EMILIN2: variants seen among roughly 807,000 people sequenced by gnomAD.
EMILIN2 encodes EMILIN-2.
EMILIN2 carries 71 observed loss-of-function variants against 87.1 expected under a neutral mutation model. The observed-to-expected ratio is 0.82, with a 90% CI of 0.67 to 0.99. The LOEUF is 0.99. Among genes scored for constraint, EMILIN2 ranks in the 50% least tolerant of loss-of-function variants. The pLI, the probability that EMILIN2 is intolerant of heterozygous loss-of-function variation, is 0.00. For synonymous variants in EMILIN2, 581 were observed against 563.4 expected, an observed-to-expected ratio of 1.03 and a Z score of -0.44; for missense variants, 1,407 against 1,371.8, an observed-to-expected ratio of 1.03 and a Z score of -0.40.
chr18:2,906,745 C>G (rs1167338904), intron 4 of EMILIN2, 38 bp from the exon 5 acceptor site: 5 of 1,258,156 alleles, frequency 4.0e-6, no homozygotes, highest in Non-Finnish European at 4.0e-6. Flanking sequence ...CTGAGGTTTC[C>G]TAATCCCGTG....
chr18:2,866,956 A>C (rs976332169), intron 2 of EMILIN2, among the ~76,000 whole-genome samples: 1 of 152,142 alleles, frequency 6.6e-6, no homozygotes, highest in Non-Finnish European at 1.5e-5. Context: ...TGAGATGATC[A>C]TGTGATTTTT....
chr18:2,869,742 T>A (rs1362283043), intron 2 of EMILIN2, among the ~76,000 whole-genome samples: 1 of 151,870 alleles, frequency 6.6e-6, no homozygotes, highest in Non-Finnish European at 1.5e-5. Context: ...TGTAGTTGAT[T>A]ACTTTTTGTT....
In EMILIN2 at chr18:2,891,547, A is replaced by T. The variant is rs2076836500; in HGVS notation, c.1420A>T (p.Thr474Ser). 13 of 1,614,054 alleles carry T rather than the reference A, an allele frequency of 8.1e-6. No homozygotes were observed. The East Asian group carries it at 2.9e-4, about 36-fold the overall frequency. The change falls in exon 4 of 8, where the codon ACC (threonine) becomes TCC (serine). Residue 474 changes from threonine to serine, a missense_variant. By Grantham distance (58) the Thr-to-Ser change is moderately conservative. Transcript: ENST00000254528. The surrounding 1 kb of genome is among the most constrained non-coding windows in gnomAD (Gnocchi z 4.6). The stretch of plus-strand genomic sequence containing the variant: ...AGAACATTGCTTTTACATTGAGGAA[A>T]CCCTTCGGGGCGCCATTAATGGAGA... ...AEEHCFYIEE[T>S]LRGAINGEVG...
rs889657635 is a variant in EMILIN2, at chr18:2,913,996, T to C, written c.*592T>C. On this transcript the variant is annotated 3_prime_UTR_variant, in exon 8 of 8. Transcript: ENST00000254528. ...TGCGTTAGAGACTGTTCCCAAAGCT[T>C]GTTGGGCTCCTTAAATGGCATGTAC... The C allele has an allele frequency of 2.0e-5, 3 of 153,024 alleles. No individual in the cohort carries two copies. Among genetic ancestry groups the C allele is most frequent in the Admixed American group, 6.5e-5 (1 of 15,336 alleles). The allele number at this position is 153,024 out of a possible 1,614,324, so 9.5% of individuals were successfully genotyped here.
chr18:2,862,681 CT>C (rs1254757767), intron 2 of EMILIN2, among the ~76,000 whole-genome samples: 1 of 151,954 alleles, frequency 6.6e-6, no homozygotes, highest in African/African-American at 2.4e-5. Context: ...CTAAAATTCT[CT>C]TTTTTTTGTT....
chr18:2,906,656 C>A, intron 4 of EMILIN2, 127 bp from the exon 5 acceptor site: 1 of 734,478 alleles, frequency 1.4e-6, no homozygotes. Flanking sequence ...GGCCTGACGT[C>A]GCAGGGGTGG....
At position 2,891,780 on chromosome 18, in the gene EMILIN2, C is replaced by T; in HGVS notation, c.1653C>T (p.Asp551=). 2 of 1,614,196 alleles carry T rather than the reference C, an allele frequency of 1.2e-6. No individual in the cohort carries two copies. The highest frequency in any genetic ancestry group is 1.7e-6 in the Non-Finnish European group (2 of 1,180,044). Residue 551 remains aspartate (D), a synonymous_variant, in exon 4 of 8, where the codon GAC becomes GAT. Coordinates refer to ENST00000254528, the MANE Select transcript of EMILIN2 (RefSeq NM_032048.3). This position sits in a 1 kb window ranked among gnomAD's most constrained non-coding sequence, Gnocchi z 4.6. ...HLKDKVQVVE[D]ICLLNIQGKP... Reference sequence around the variant, plus strand: ...AGGACAAAGTTCAAGTTGTTGAAGACATTTGCCTGCTGAACATCCAGGGAA... The same window carrying T: ...AGGACAAAGTTCAAGTTGTTGAAGATATTTGCCTGCTGAACATCCAGGGAA...
chr18:2,896,219 G>A (rs904034657), intron 4 of EMILIN2, among the ~76,000 whole-genome samples: 7 of 151,708 alleles, frequency 4.6e-5, no homozygotes, highest in Non-Finnish European at 1.0e-4. Flanking sequence ...TTTGTTGCTG[G>A]GGCTGGAGTG....
At chr18:2,874,266 G>A (rs889975974) in intron 2 of EMILIN2, among the ~76,000 whole-genome samples, 4 of 152,120 alleles carry the variant, frequency 2.6e-5, no homozygotes, top group African/African-American at 9.6e-5. Context: ...TATTGCCCAG[G>A]CTGGTCTCAA....
chr18:2,899,604 A>G (rs919884903), intron 4 of EMILIN2, among the ~76,000 whole-genome samples: 7 of 151,972 alleles, frequency 4.6e-5, no homozygotes, highest in African/African-American at 1.7e-4. Context: ...TCCTGGGTTC[A>G]AGCAATTCTC....
intron 3 of EMILIN2, among the ~76,000 whole-genome samples, chr18:2,888,098 GT>G (rs2076811811): frequency 6.6e-6 from 1 of 152,152 alleles, no homozygotes; most frequent in Admixed American, 6.5e-5. Context: ...CACTTAGGTT[GT>G]TTGTAATTTT....
chr18:2,899,017 G>C (rs962434765), intron 4 of EMILIN2, among the ~76,000 whole-genome samples: 5 of 152,130 alleles, frequency 3.3e-5, no homozygotes, highest in African/African-American at 1.2e-4. Context: ...CTTGAACTTA[G>C]AGCTGCAGTG....
chr18:2,862,231 C>G (rs1185201352), intron 2 of EMILIN2, among the ~76,000 whole-genome samples: 1 of 152,132 alleles, frequency 6.6e-6, no homozygotes, highest in African/African-American at 2.4e-5. Flanking sequence ...TTATTTCCTT[C>G]TCCTGCCTCA....
At chr18:2,855,675 AGAG>A (rs910368221) in intron 2 of EMILIN2, among the ~76,000 whole-genome samples, 8 of 152,286 alleles carry the variant, frequency 5.3e-5, no homozygotes, top group African/African-American at 1.9e-4. Flanking sequence ...GTGCTTCGGA[AGAG>A]GAGACAGAAG....
chr18:2,847,868 A>G lies in EMILIN2; in HGVS notation c.194A>G (p.Glu65Gly). 6 of 1,613,528 alleles carry G rather than the reference A, an allele frequency of 3.7e-6. No homozygotes were observed. Among genetic ancestry groups the G allele is most frequent in the Non-Finnish European group, 5.1e-6 (6 of 1,179,760 alleles). The change falls in exon 2 of 8, where the codon GAG becomes GGG. Residue 65 changes from glutamate to glycine, a missense_variant. Transcript: ENST00000254528. The surrounding 1 kb of genome is among the most constrained non-coding windows in gnomAD (Gnocchi z 4.5). ...NVSCSVLEGS[E>G]SFIQAQYNCA... The stretch of plus-strand genomic sequence containing the variant: ...AGCTGCTCCGTGCTGGAGGGAAGTG[A>G]GAGTTTTATTCAGGCTCAGTACAAC...
chr18:2,890,697 G>C lies in EMILIN2; in HGVS notation c.570G>C (p.Lys190Asn). The change falls in exon 4 of 8, where the codon AAG (lysine) becomes AAC (asparagine). Residue 190 changes from lysine to asparagine, a missense_variant. Transcript: ENST00000254528. The surrounding 1 kb of genome is among the most constrained non-coding windows in gnomAD (Gnocchi z 4.7). ...AGAAGATACAGGTGCTAGAGGAGAA[G>C]GTTCTTCGACTCACAAGGACGGTTC... is the stretch of plus-strand genomic sequence containing the variant. ...QEKKIQVLEE[K>N]VLRLTRTVLD... The C allele has an allele frequency of 1.2e-6, 2 of 1,614,156 alleles. No homozygotes were observed. The highest frequency in any genetic ancestry group is 1.7e-6 in the Non-Finnish European group (2 of 1,180,026).
chr18:2,866,184 C>T (rs537301470), intron 2 of EMILIN2, among the ~76,000 whole-genome samples: 7 of 152,296 alleles, frequency 4.6e-5, no homozygotes, highest in South Asian at 4.1e-4. Flanking sequence ...CGCCCTGCTT[C>T]GGCTCACACT....
chr18:2,896,030 T>C (rs1235886229), intron 4 of EMILIN2, among the ~76,000 whole-genome samples: 1 of 152,170 alleles, frequency 6.6e-6, no homozygotes, highest in East Asian at 1.9e-4. Flanking sequence ...GAGGTGAGGC[T>C]GAATTATCCA....
intron 7 of EMILIN2, among the ~76,000 whole-genome samples, chr18:2,910,216 G>A (rs1026838362): frequency 9.9e-5 from 15 of 152,158 alleles, no homozygotes; most frequent in Admixed American, 7.9e-4. Context: ...GACAACCTGG[G>A]CCAGGACAAG....
Sources: gnomAD v4.1 joint callset for allele counts (sites outside exome capture counted in the v4.1 genomes callset) on GRCh38, gnomAD v4.1.1 for gene constraint, Gnocchi (gnomAD v3.1) non-coding constraint, MANE v1.5 for transcripts, NCBI Gene and HGNC (gene_info 2026-07-23, HGNC 2026-07-21) for gene names.